Variants in ZCWPW2 observed in about 807,000 individuals in gnomAD.
The protein encoded by ZCWPW2 is zinc finger CW-type and PWWP domain containing 2, also known as zinc finger CW-type PWWP domain protein 2.
ZCWPW2 carries 45 observed loss-of-function variants against 46.6 expected under a neutral mutation model. That is an observed-to-expected ratio of 0.96 (90% CI 0.76 to 1.24). ZCWPW2 has a LOEUF of 1.24. Ranked by LOEUF, ZCWPW2 falls within the 50% of genes most tolerant of loss-of-function variation. The pLI is 0.00. For missense variants in ZCWPW2, 429 were observed against 403.9 expected, an observed-to-expected ratio of 1.06 and a Z score of -0.53; for synonymous variants, 152 against 137.1, an observed-to-expected ratio of 1.11 and a Z score of -0.76.
chr3:28,372,073 C>T (rs1705354011), intron 1 of ZCWPW2, among the ~76,000 whole-genome samples: 1 of 151,672 alleles, frequency 6.6e-6, no homozygotes, highest in Non-Finnish European at 1.5e-5. Context: ...TTCCTCCTTT[C>T]TTCATTTTTT....
chr3:28,389,826 G>C (rs987354722), intron 1 of ZCWPW2, among the ~76,000 whole-genome samples: 2 of 152,198 alleles, frequency 1.3e-5, no homozygotes, highest in African/African-American at 4.8e-5. Context: ...GTTGCAGTTT[G>C]AGTCTAAAGT....
At chr3:28,383,245 C>T (rs1465042282) in intron 1 of ZCWPW2, among the ~76,000 whole-genome samples, 1 of 152,014 alleles carries the variant, frequency 6.6e-6, no homozygotes, top group Non-Finnish European at 1.5e-5. Context: ...GATGAAAGAA[C>T]CTATGCAAAT....
intron 8 of ZCWPW2, among the ~76,000 whole-genome samples, chr3:28,516,669 T>A (rs1381876873): frequency 6.6e-6 from 1 of 152,146 alleles, no homozygotes; most frequent in Non-Finnish European, 1.5e-5. Context: ...TCCTATGGCA[T>A]TGCATTTCAA....
At chr3:28,443,948 C>A (rs1697874279) in intron 4 of ZCWPW2, among the ~76,000 whole-genome samples, 1 of 152,130 alleles carries the variant, frequency 6.6e-6, no homozygotes, top group African/African-American at 2.4e-5. Context: ...TACATTGAAC[C>A]AAGGGAGATT....
At chr3:28,373,995 G>A (rs1294145080) in intron 1 of ZCWPW2, among the ~76,000 whole-genome samples, 2 of 152,106 alleles carry the variant, frequency 1.3e-5, no homozygotes, top group East Asian at 3.8e-4. Flanking sequence ...TTGGCTTCAT[G>A]TGATCTTATT....
intron 5 of ZCWPW2, among the ~76,000 whole-genome samples, chr3:28,488,264 A>T (rs1224623945): frequency 2.6e-5 from 4 of 152,052 alleles, no homozygotes; most frequent in Non-Finnish European, 5.9e-5. Flanking sequence ...GTTGGTTGTG[A>T]TTCTCTGTAT....
At position 28,371,432 on chromosome 3, in the gene ZCWPW2, T is replaced by C. The variant is rs142778446; in HGVS notation, c.-133-19066T>C. Among the ~76,000 whole-genome samples the C allele has an allele frequency of 2.5e-3, 387 of 152,240 alleles. 1 individual carries two copies. The highest frequency in any genetic ancestry group is 8.4e-3 in the African/African-American group (351 of 41,552). On this transcript the variant is annotated intron_variant, in intron 1 of 9. Transcript: ENST00000383768. ...AGAAATCAAGTGTAGGGGGATTTTG[T>C]TAAATTGACTTGATAAGAGTCTTAC...
Position 28,525,836 on chromosome 3 carries a change from T to G in ZCWPW2, c.*1148T>G, listed in dbSNP as rs556105472. On this transcript the variant is annotated 3_prime_UTR_variant, in exon 10 of 10. Transcript: ENST00000383768. Reference sequence around the variant, plus strand: ...AGTATGTATGTATTTCTGTCTTCCTTGTTTTCCTCATGTATTCCTTAGCAT... The same window carrying G: ...AGTATGTATGTATTTCTGTCTTCCTGGTTTTCCTCATGTATTCCTTAGCAT... 1.5e-4 allele frequency among the ~76,000 whole-genome samples: 23 copies of G among 152,286 alleles called. No homozygotes were observed. Among genetic ancestry groups the G allele is most frequent in the African/African-American group, 5.3e-4 (22 of 41,576 alleles).
intron 8 of ZCWPW2, among the ~76,000 whole-genome samples, chr3:28,517,462 G>A (rs1408425836): frequency 6.6e-6 from 1 of 152,142 alleles, no homozygotes; most frequent in East Asian, 1.9e-4. Flanking sequence ...CAAAAGAGGG[G>A]AGAGTTGCCA....
chr3:28,410,805 A>G (rs1376435233), intron 2 of ZCWPW2, among the ~76,000 whole-genome samples: 2 of 152,008 alleles, frequency 1.3e-5, no homozygotes, highest in East Asian at 3.8e-4. Context: ...AAGTGCAGCT[A>G]TTCATTAAAT....
chr3:28,453,372 A>G (rs1169875582), intron 4 of ZCWPW2, among the ~76,000 whole-genome samples: 1 of 152,196 alleles, frequency 6.6e-6, no homozygotes, highest in Non-Finnish European at 1.5e-5. Flanking sequence ...TAAAAGTCCA[A>G]ACTAAATAAT....
At chr3:28,486,095 T>C (rs1266806456) in intron 5 of ZCWPW2, among the ~76,000 whole-genome samples, 9 of 152,334 alleles carry the variant, frequency 5.9e-5, no homozygotes, top group African/African-American at 2.2e-4. Context: ...AGTTATACTT[T>C]TTTAAAAACT....
At position 28,390,594 on chromosome 3, in the gene ZCWPW2, G is replaced by A; in HGVS notation, c.-37G>A. ...CTATTTTCTTCATGGAATTTTGCTA[G>A]GAACAAAAGAAAAGTCTAACTCCGT... On this transcript the variant is annotated 5_prime_UTR_variant, in exon 2 of 10. The change abolishes the stop of an existing upstream ORF in the 5' untranslated region. Coordinates refer to ENST00000383768, the MANE Select transcript of ZCWPW2 (RefSeq NM_001040432.4). 1 of 985,220 alleles carries A rather than the reference G, an allele frequency of 1.0e-6. No individual in the cohort carries two copies. The highest frequency in any genetic ancestry group is 1.2e-6 in the Non-Finnish European group (1 of 829,882). The allele number at this position is 985,220 out of a possible 1,614,324, so 61.0% of individuals were successfully genotyped here. A position where few individuals can be genotyped will look rare whatever the true frequency, so the allele number is the denominator to read the frequency against.
chr3:28,362,721 T>C (rs1021382754), intron 1 of ZCWPW2, among the ~76,000 whole-genome samples: 4 of 152,114 alleles, frequency 2.6e-5, no homozygotes, highest in Admixed American at 6.6e-5. Flanking sequence ...TCTCATTTCA[T>C]ACCCGAAGAA....
At chr3:28,424,228 A>ACAC (rs1696911938) in intron 3 of ZCWPW2, among the ~76,000 whole-genome samples, 4 of 138,866 alleles carry the variant, frequency 2.9e-5, no homozygotes, top group East Asian at 2.1e-4. Context: ...GTCTTATTCC[A>ACAC]ACACACACAC....
chr3:28,409,629 T>A (rs550774763), intron 2 of ZCWPW2, among the ~76,000 whole-genome samples: 1 of 152,190 alleles, frequency 6.6e-6, no homozygotes, highest in Non-Finnish European at 1.5e-5. Context: ...ATTAAAGCAT[T>A]CTGTTATTCT....
intron 8 of ZCWPW2, among the ~76,000 whole-genome samples, chr3:28,516,517 CCTT>C (rs1214200092): frequency 1.1e-4 from 17 of 152,104 alleles, no homozygotes; most frequent in African/African-American, 3.6e-4. Context: ...GCAATTTCCT[CCTT>C]CTACATTTTC....
At chr3:28,372,774 C>T (rs112596913) in intron 1 of ZCWPW2, among the ~76,000 whole-genome samples, 7 of 152,128 alleles carry the variant, frequency 4.6e-5, no homozygotes, top group African/African-American at 1.4e-4. Context: ...CACCCCTTTC[C>T]CTACCTCTCC....
At chr3:28,366,697 GGAATA>G (rs1575053046) in intron 1 of ZCWPW2, among the ~76,000 whole-genome samples, 2 of 152,002 alleles carry the variant, frequency 1.3e-5, no homozygotes, top group East Asian at 3.9e-4. Flanking sequence ...TCTATTGATT[GGAATA>G]GTTTCAGAAG....
Sources: allele counts gnomAD v4.1 joint callset (sites outside exome capture counted in the v4.1 genomes callset), GRCh38; gene constraint gnomAD v4.1.1; transcripts MANE v1.5; gene names NCBI Gene and HGNC (gene_info 2026-07-23, HGNC 2026-07-21).